Variants in TM7SF2 observed in about 807,000 individuals in gnomAD.
TM7SF2 encodes the protein delta(14)-sterol reductase TM7SF2.
A neutral mutation model predicts 51.0 loss-of-function variants in TM7SF2; 51 were observed. The ratio of observed to expected loss-of-function variants is 1.00; its 90% CI spans 0.80 to 1.26. TM7SF2 has a LOEUF of 1.26. Among genes scored for constraint, TM7SF2 ranks in the 50% most tolerant of loss-of-function variants. TM7SF2 has a pLI of 0.00. For synonymous variants in TM7SF2, 255 were observed against 241.0 expected (o/e 1.06, Z -0.54); for missense variants, 541 against 547.4 (o/e 0.99, Z 0.12).
intron 1 of TM7SF2, 176 bp downstream of exon 1, chr11:65,112,243 G>T (rs1015824153): frequency 5.7e-6 from 4 of 699,196 alleles, no homozygotes; most frequent in Non-Finnish European, 9.4e-6. Flanking sequence ...AGGAGGGGCC[G>T]GTTCTGGGGG....
At position 65,113,495 on chromosome 11, in the gene TM7SF2, T is replaced by C; in HGVS notation, c.504T>C (p.Asn168=). 2 of 1,614,184 alleles carry C rather than the reference T, an allele frequency of 1.2e-6. No homozygotes were observed. Among genetic ancestry groups the C allele is most frequent in the Non-Finnish European group, 1.7e-6 (2 of 1,180,018 alleles). The change falls in exon 5 of 10, where the codon AAT becomes AAC. Residue 168 remains asparagine (N), a synonymous_variant. Coordinates refer to ENST00000279263, the MANE Select transcript of TM7SF2 (RefSeq NM_003273.6). ...TCACTCTCCAATATTCTCCAGGCAA[T>C]CCGATTTACGACTTTTTTCTGGGAC... The part of the protein sequence containing the change: ...SALAPGGNSG[N]PIYDFFLGRE...
rs190873432 is a variant in TM7SF2, at chr11:65,114,628, A to T, written c.604-85A>T. ...CCACTTAAGAGCTGGAGTGTAACTG[A>T]CAGTTGAGAAGGGCAGAGGCTGGCC... is the stretch of plus-strand genomic sequence containing the variant. On this transcript the variant is annotated intron_variant, in intron 5 of 9. Coordinates refer to ENST00000279263, the MANE Select transcript of TM7SF2 (RefSeq NM_003273.6). 2,593 of 1,491,488 alleles carry T rather than the reference A, an allele frequency of 1.7e-3. 33 individuals carry two copies. In the African/African-American group the frequency reaches 0.03, roughly 17 times the overall value. 92.4% of individuals were successfully genotyped at this position (1,491,488 alleles called of 1,614,324 possible).
chr11:65,112,800 T>C lies in TM7SF2; in HGVS notation c.250-11T>C. ...GCCCCGGGCCTTATCAGAGCCCCCT[T>C]GGACCCGCAGGTGGCCGAGGGGCAG... On this transcript the variant is annotated splice_polypyrimidine_tract_variant and intron_variant, in intron 2 of 9. Coordinates refer to ENST00000279263, the MANE Select transcript of TM7SF2 (RefSeq NM_003273.6). The C allele has an allele frequency of 6.5e-7, 1 of 1,550,282 alleles. No individual in the cohort carries two copies. The highest frequency in any genetic ancestry group is 2.4e-5 in the East Asian group (1 of 40,908).
rs201959995 is a variant in TM7SF2 at position 65,113,293 on chromosome 11, C to G, written c.378C>G (p.Leu126=). The G allele has an allele frequency of 5.3e-4, 853 of 1,612,050 alleles. 2 individuals are homozygous for G. The African/African-American group carries it at 0.01, about 19-fold the overall frequency. ...CAGCGGGGCTGCCTCTGGGGGCGCTCCCGGAAATGCTCCTGCCCTTGGCGT... is the reference window on the plus strand; with the variant it reads ...CAGCGGGGCTGCCTCTGGGGGCGCTGCCGGAAATGCTCCTGCCCTTGGCGT... ...GMSAGLPLGA[L]PEMLLPLAFV... is the part of the protein sequence containing the mutation. Residue 126 remains leucine (L), a synonymous_variant, in exon 4 of 10, where the codon CTC becomes CTG. Coordinates refer to ENST00000279263, the MANE Select transcript of TM7SF2 (RefSeq NM_003273.6).
Position 65,115,407 on chromosome 11 carries a change from T to C in TM7SF2, c.973+13T>C. 5 of 1,614,172 alleles carry C rather than the reference T, an allele frequency of 3.1e-6. No homozygotes were observed. Among genetic ancestry groups the C allele is most frequent in the Non-Finnish European group, 3.4e-6 (4 of 1,180,014 alleles). On this transcript the variant is annotated intron_variant, in intron 8 of 9. Transcript: ENST00000279263. ...CCCAGAGTGGCTGGTGAGCTGGTTC[T>C]CTAGGGCCATGGGTGAGGTGGGGCA...
chr11:65,114,963 G>A lies in TM7SF2; in HGVS notation c.774G>A (p.Met258Ile). The A allele has an allele frequency of 6.2e-7, 1 of 1,614,244 alleles. No homozygotes were observed. Among genetic ancestry groups the A allele is most frequent in the Middle Eastern group, 1.6e-4 (1 of 6,062 alleles). ...MDITHDGFGF[M>I]LAFGDMAWVP... ...TCACACATGACGGGTTTGGCTTCAT[G>A]CTGGCGTTTGGGGACATGGCCTGGG... Residue 258 changes from methionine (M) to isoleucine (I), a missense_variant, in exon 7 of 10, where the codon ATG becomes ATA. Transcript: ENST00000279263.
chr11:65,112,026 C>T lies in TM7SF2; in HGVS notation c.11C>T (p.Thr4Ile), dbSNP rs769826284. Residue 4 changes from threonine to isoleucine, a missense_variant, in exon 1 of 10, where the codon ACT becomes ATT. Thr to Ile is a moderately conservative substitution (Grantham distance 89, BLOSUM62 -1). Coordinates refer to ENST00000279263, the MANE Select transcript of TM7SF2 (RefSeq NM_003273.6). ...GGCGGAGCGGAGACCATGGCCCCCACTCAGGGCCCCCGGGCCCCGCTGGAA... is the reference window on the plus strand; with the variant it reads ...GGCGGAGCGGAGACCATGGCCCCCATTCAGGGCCCCCGGGCCCCGCTGGAA... The part of the protein sequence containing the change: MAP[T>I]QGPRAPLEFG... The T allele has an allele frequency of 3.8e-6, 6 of 1,590,262 alleles. No individual in the cohort carries two copies. Among genetic ancestry groups the T allele is most frequent in the Non-Finnish European group, 5.1e-6 (6 of 1,169,716 alleles).
At chr11:65,113,463 T>C in intron 4 of TM7SF2, 28 bp from the exon 5 acceptor site, 11 of 1,614,136 alleles carry the variant, frequency 6.8e-6, no homozygotes, top group Non-Finnish European at 6.8e-6. Flanking sequence ...GGCGTCTGCC[T>C]GTACATTCAC....
chr11:65,115,877 G>C lies in TM7SF2; in HGVS notation c.1097-16G>C. On this transcript the variant is annotated splice_polypyrimidine_tract_variant and intron_variant, in intron 9 of 9. Coordinates refer to ENST00000279263, the MANE Select transcript of TM7SF2 (RefSeq NM_003273.6). ...GAGGGGCCGGCAGGGTGGTCACAGA[G>C]CCTCCTTCTCTACAGGGGTGTCACA... The C allele has an allele frequency of 1.2e-6, 2 of 1,614,014 alleles. No individual in the cohort carries two copies. The highest frequency in any genetic ancestry group is 1.7e-6 in the Non-Finnish European group (2 of 1,179,984).
chr11:65,111,909 GGGCCGGATC>G lies in TM7SF2; in HGVS notation c.-106_-98del. 7.7e-7 allele frequency: 1 copy of G among 1,292,526 alleles called. No individual in the cohort carries two copies. Among genetic ancestry groups the G allele is most frequent in the South Asian group, 1.3e-5 (1 of 78,650 alleles). The allele number at this position is 1,292,526 out of a possible 1,614,324, so 80.1% of individuals were successfully genotyped here. A position where few individuals can be genotyped will look rare whatever the true frequency, so the allele number is the denominator to read the frequency against. On this transcript the variant is annotated 5_prime_UTR_variant, in exon 1 of 10. Coordinates refer to ENST00000279263, the MANE Select transcript of TM7SF2 (RefSeq NM_003273.6). ...TGTCCAGGCAGGTGCAGGCGCCGCG[GGGCCGGATC>G]CTCCGCGCGGCCGAGTCCATCTCCT...
rs1947955010 is a variant in TM7SF2 at position 65,114,813 on chromosome 11, G to A, written c.704G>A (p.Gly235Asp). 1.2e-6 allele frequency: 2 copies of A among 1,614,154 alleles called. No homozygotes were observed. Among genetic ancestry groups the A allele is most frequent in the Non-Finnish European group, 1.7e-6 (2 of 1,180,050 alleles). ...AATGGCTTCCAGTTGCTCTACGTGG[G>A]TGATGCCCTCTGGCACGAGGTGAGG... ...LVNGFQLLYV[G>D]DALWHEEAVL... The change falls in exon 6 of 10, where the codon GGT becomes GAT. Residue 235 changes from glycine to aspartate, a missense_variant. Transcript: ENST00000279263.
chr11:65,115,809 A>G (rs1565325868), intron 9 of TM7SF2, 84 bp from the exon 10 acceptor site: 3 of 1,605,790 alleles, frequency 1.9e-6, no homozygotes, highest in Middle Eastern at 1.7e-4. Flanking sequence ...CCCGATGCCC[A>G]CATGAGCCAT....
Position 65,111,895 on chromosome 11 carries a change from G to T in TM7SF2, c.-121G>T. 8.4e-7 allele frequency: 1 copy of T among 1,183,968 alleles called. No individual in the cohort carries two copies. The highest frequency in any genetic ancestry group is 2.5e-5 in the East Asian group (1 of 39,252). 73.3% of individuals were successfully genotyped at this position (1,183,968 alleles called of 1,614,324 possible). ...TTGTCTGCGTTCCGTGTCCAGGCAGGTGCAGGCGCCGCGGGGCCGGATCCT... is the reference window on the plus strand; with the variant it reads ...TTGTCTGCGTTCCGTGTCCAGGCAGTTGCAGGCGCCGCGGGGCCGGATCCT... On this transcript the variant is annotated 5_prime_UTR_variant, in exon 1 of 10. Transcript: ENST00000279263.
intron 6 of TM7SF2, 26 bp downstream of exon 6, chr11:65,114,858 G>T: frequency 1.2e-6 from 2 of 1,614,204 alleles, no homozygotes; most frequent in African/African-American, 1.3e-5. Flanking sequence ...ACGAGGGTGG[G>T]TGTCTGAGGG....
rs535893549 is a variant in TM7SF2 at position 65,115,293 on chromosome 11, C to G, written c.893-21C>G. 2.5e-6 allele frequency: 4 copies of G among 1,612,322 alleles called. No individual in the cohort carries two copies. In the African/African-American group the frequency reaches 5.3e-5, roughly 22 times the overall value. The stretch of plus-strand genomic sequence containing the variant: ...GGCTGCAACCCTTGACCTTGACCAC[C>G]GGTTCACACTCTCTCACCAGCTACT... On this transcript the variant is annotated intron_variant, in intron 7 of 9. Coordinates refer to ENST00000279263, the MANE Select transcript of TM7SF2 (RefSeq NM_003273.6).
At chr11:65,115,120 CCCT>C (rs1287559309) in intron 7 of TM7SF2, 39 bp downstream of exon 7, 3 of 1,606,440 alleles carry the variant, frequency 1.9e-6, no homozygotes, top group Non-Finnish European at 2.6e-6. Flanking sequence ...CCCATCTTCC[CCCT>C]ATCCCTTTGA....
chr11:65,112,956 C>T (rs1362991680), intron 3 of TM7SF2, 91 bp downstream of exon 3: 2 of 1,449,012 alleles, frequency 1.4e-6, no homozygotes, highest in Non-Finnish European at 1.9e-6. Context: ...TTGGCCCCCA[C>T]CCCAGGCTCC....
chr11:65,115,483 G>T lies in TM7SF2; in HGVS notation c.981G>T (p.Glu327Asp). ...NPSDPRVAGL[E>D]TISTATGRKL... The stretch of plus-strand genomic sequence containing the variant: ...CCTGCTGTCTTTCCCCAGGGCTTGA[G>T]ACCATCTCTACAGCCACAGGGCGGA... The change falls in exon 9 of 10, where the codon GAG (glutamate) becomes GAT (aspartate). Residue 327 changes from glutamate to aspartate, a missense_variant. Transcript: ENST00000279263. 6.2e-7 allele frequency: 1 copy of T among 1,614,148 alleles called. No homozygotes were observed. The highest frequency in any genetic ancestry group is 1.3e-5 in the African/African-American group (1 of 75,038).
At chr11:65,114,216 T>C (rs1317183599) in intron 5 of TM7SF2, among the ~76,000 whole-genome samples, 3 of 152,200 alleles carry the variant, frequency 2.0e-5, no homozygotes, top group Non-Finnish European at 4.4e-5. Context: ...AGCTTTCTCC[T>C]AAGATTACTG....
Sources: allele counts gnomAD v4.1 joint callset (sites outside exome capture counted in the v4.1 genomes callset), GRCh38; gene constraint gnomAD v4.1.1; transcripts MANE v1.5; gene names NCBI Gene and HGNC (gene_info 2026-07-23, HGNC 2026-07-21).